CUL1: variants seen among roughly 807,000 people sequenced by gnomAD.
The protein encoded by CUL1 is cullin-1.
A neutral mutation model predicts 118.0 loss-of-function variants in CUL1; 24 were observed. The ratio of observed to expected loss-of-function variants is 0.20; its 90% confidence interval spans 0.15 to 0.29. The LOEUF (loss-of-function observed/expected upper bound fraction) is 0.29, where lower values mean the gene tolerates loss of function less well. Among genes scored for constraint, CUL1 ranks in the 10% least tolerant of loss-of-function variants. The pLI, the probability that CUL1 is intolerant of heterozygous loss-of-function variation, is 1.00. For synonymous variants in CUL1, 332 were observed against 340.4 expected (o/e 0.98, Z 0.27); for missense variants, 361 against 933.8 (o/e 0.39, Z 7.99).
At chr7:148,770,743 C>T (rs1377714081) in intron 9 of CUL1, among the ~76,000 whole-genome samples, 4 of 152,118 alleles carry the variant, frequency 2.6e-5, no homozygotes, top group Non-Finnish European at 5.9e-5. Context: ...TAGCCTGGCA[C>T]ACAGTAGGTG....
At position 148,745,078 on chromosome 7, in the gene CUL1, A is replaced by T. The variant is rs185049165; in HGVS notation, c.141-8898A>T. ...TTTTAATCTTTTTTTTCCTCTCAAGAGTTGATCGTTTCTGTTGGTCTCTGT... is the reference window on the plus strand; with the variant it reads ...TTTTAATCTTTTTTTTCCTCTCAAGTGTTGATCGTTTCTGTTGGTCTCTGT... On this transcript the variant is annotated intron_variant, in intron 2 of 21. Coordinates refer to ENST00000325222, the MANE Select transcript of CUL1 (RefSeq NM_003592.3). Among the ~76,000 whole-genome samples, 39 of 151,474 alleles carry T rather than the reference A, an allele frequency of 2.6e-4. No homozygotes were observed. In the South Asian group the frequency reaches 4.6e-3, roughly 18 times the overall value.
At position 148,787,216 on chromosome 7, in the gene CUL1, A is replaced by T. The variant is rs1800843844; in HGVS notation, c.1479+96A>T. On this transcript the variant is annotated intron_variant, in intron 13 of 21. Coordinates refer to ENST00000325222, the MANE Select transcript of CUL1 (RefSeq NM_003592.3). This position sits in a 1 kb window ranked among gnomAD's most constrained non-coding sequence, Gnocchi z 5.5. ...GGTGGCTCATGCCTGTAATCCCAGC[A>T]CTTTGGGAGGCCGAGGCGGGCAGAT... 1 of 1,308,896 alleles carries T rather than the reference A, an allele frequency of 7.6e-7. No individual in the cohort carries two copies. Among genetic ancestry groups the T allele is most frequent in the African/African-American group, 1.5e-5 (1 of 67,396 alleles). 81.1% of individuals were successfully genotyped at this position (1,308,896 alleles called of 1,614,324 possible).
intron 17 of CUL1, among the ~76,000 whole-genome samples, chr7:148,796,660 G>C (rs186115384): frequency 2.0e-4 from 30 of 152,290 alleles, no homozygotes; most frequent in Admixed American, 3.3e-4. Context: ...GGTGTGGACT[G>C]TCAGGTCTTT....
Position 148,736,047 on chromosome 7 carries a change from G to A in CUL1, c.140+5785G>A, listed in dbSNP as rs1041566166. Reference sequence around the variant, plus strand: ...AAAAAAGCCAGGTGTGGTAGTGCATGCCTGTAGTCCCAACTACTCAGGAGG... The same window carrying A: ...AAAAAAGCCAGGTGTGGTAGTGCATACCTGTAGTCCCAACTACTCAGGAGG... On this transcript the variant is annotated intron_variant, in intron 2 of 21. Transcript: ENST00000325222. Among the ~76,000 whole-genome samples the A allele has an allele frequency of 4.7e-5, 7 of 149,866 alleles. No homozygotes were observed. In the East Asian group the frequency reaches 1.2e-3, roughly 25 times the overall value.
At chr7:148,746,936 G>A (rs1431650489) in intron 2 of CUL1, among the ~76,000 whole-genome samples, 1 of 152,178 alleles carries the variant, frequency 6.6e-6, no homozygotes, top group Non-Finnish European at 1.5e-5. Context: ...ACCCGAGAGT[G>A]GGTTTAACTA....
intron 1 of CUL1, among the ~76,000 whole-genome samples, chr7:148,719,735 C>T (rs985343526): frequency 8.5e-5 from 13 of 152,220 alleles, no homozygotes; most frequent in African/African-American, 2.9e-4. Context: ...AAAAGGCAAG[C>T]TCATGAATTC....
chr7:148,784,132 T>C, intron 11 of CUL1, 55 bp downstream of exon 11: 1 of 1,357,910 alleles, frequency 7.4e-7, no homozygotes, highest in Non-Finnish European at 1.0e-6. Flanking sequence ...TCAGCTTTTA[T>C]ATGAGGAATT....
At chr7:148,734,131 C>T (rs1418677140) in intron 2 of CUL1, among the ~76,000 whole-genome samples, 2 of 152,092 alleles carry the variant, frequency 1.3e-5, no homozygotes, top group African/African-American at 4.8e-5. Flanking sequence ...CTTGGTTTTT[C>T]TCCTAAAGTT....
chr7:148,754,591 G>A (rs563977753), intron 3 of CUL1, among the ~76,000 whole-genome samples: 61 of 152,144 alleles, frequency 4.0e-4, no homozygotes, highest in Non-Finnish European at 7.5e-4. Flanking sequence ...TTCATTTAAA[G>A]CAAATATGTA....
In CUL1 at chr7:148,790,573, G is replaced by A. The variant is rs868559728; in HGVS notation, c.1806+132G>A. 5.1e-5 allele frequency: 39 copies of A among 759,008 alleles called. No individual in the cohort carries two copies. The Middle Eastern group carries it at 5.3e-3, about 103-fold the overall frequency. 47.0% of individuals were successfully genotyped at this position (759,008 alleles called of 1,614,324 possible). A position where few individuals can be genotyped will look rare whatever the true frequency, so the allele number is the denominator to read the frequency against. Reference sequence around the variant, plus strand: ...CTGGTGAAATAGTGGCAGGTTTAAAGCATGGAGTTGTAAGAATCAGATGAA... The same window carrying A: ...CTGGTGAAATAGTGGCAGGTTTAAAACATGGAGTTGTAAGAATCAGATGAA... On this transcript the variant is annotated intron_variant, in intron 16 of 21. Coordinates refer to ENST00000325222, the MANE Select transcript of CUL1 (RefSeq NM_003592.3).
intron 1 of CUL1, among the ~76,000 whole-genome samples, chr7:148,703,380 T>C (rs774860997): frequency 6.6e-6 from 1 of 152,192 alleles, no homozygotes; most frequent in Admixed American, 6.5e-5. Flanking sequence ...CAAAAATTTA[T>C]AAAACCATTC....
intron 20 of CUL1, 52 bp from the exon 21 acceptor site, chr7:148,799,223 C>G: frequency 7.1e-7 from 1 of 1,399,086 alleles, no homozygotes; most frequent in Non-Finnish European, 1.0e-6. Flanking sequence ...ACTATCAATA[C>G]AACGTTGTTA....
intron 1 of CUL1, among the ~76,000 whole-genome samples, chr7:148,724,731 C>T (rs569876910): frequency 5.3e-5 from 8 of 152,354 alleles, no homozygotes; most frequent in East Asian, 1.9e-4. Flanking sequence ...GCAGGGTACA[C>T]GCCCGAAACG....
intron 12 of CUL1, 85 bp downstream of exon 12, chr7:148,786,684 A>AT: frequency 9.0e-7 from 1 of 1,114,478 alleles, no homozygotes; most frequent in Non-Finnish European, 1.3e-6. Context: ...GGCCTCTGAA[A>AT]TGTGAAAAGT....
At chr7:148,743,293 G>C (rs1799204281) in intron 2 of CUL1, among the ~76,000 whole-genome samples, 1 of 152,170 alleles carries the variant, frequency 6.6e-6, no homozygotes, top group Admixed American at 6.5e-5. Flanking sequence ...TCAGCTTGCG[G>C]GAGATGATTG....
chr7:148,782,956 C>T (rs1160373524), intron 9 of CUL1, among the ~76,000 whole-genome samples: 1 of 151,960 alleles, frequency 6.6e-6, no homozygotes, highest in Non-Finnish European at 1.5e-5. Context: ...GCCACCATTT[C>T]CTGGCAGTGT....
chr7:148,796,039 T>C (rs1801187954), intron 17 of CUL1, among the ~76,000 whole-genome samples: 2 of 139,166 alleles, frequency 1.4e-5, no homozygotes, highest in African/African-American at 2.8e-5. Flanking sequence ...ACAAGCATCC[T>C]TGTCTTGTTA....
chr7:148,749,015 A>G (rs1799395041), intron 2 of CUL1, among the ~76,000 whole-genome samples: 2 of 152,200 alleles, frequency 1.3e-5, no homozygotes, highest in South Asian at 4.1e-4. Context: ...TTTTTCCTAT[A>G]CTTTCCATGT....
intron 2 of CUL1, among the ~76,000 whole-genome samples, chr7:148,732,776 G>A (rs1299152929): frequency 2.0e-5 from 3 of 152,026 alleles, no homozygotes; most frequent in Non-Finnish European, 4.4e-5. Context: ...AATTAAATTC[G>A]TATAATTTGT....
Sources: allele counts gnomAD v4.1 joint callset (sites outside exome capture counted in the v4.1 genomes callset), GRCh38; gene constraint gnomAD v4.1.1; non-coding constraint Gnocchi (gnomAD v3.1); transcripts MANE v1.5; gene names NCBI Gene and HGNC (gene_info 2026-07-23, HGNC 2026-07-21).